Variants in CAST observed in about 807,000 individuals in gnomAD.
CAST encodes the protein MIR583 host.
In CAST, 76 loss-of-function variants were observed where a neutral mutation model predicts 119.6. The observed-to-expected ratio is 0.64, with a 90% CI of 0.53 to 0.77. The LOEUF (loss-of-function observed/expected upper bound fraction) is 0.77, where lower values mean the gene tolerates loss of function less well. CAST is among the 30% of genes least tolerant of loss of function. The probability of loss-of-function intolerance (pLI) is 0.00; values close to 1 mark genes in which losing one functional copy is unlikely to be tolerated. For synonymous variants in CAST, 319 were observed against 331.6 expected (o/e 0.96, Z 0.41); for missense variants, 953 against 946.5 (o/e 1.01, Z -0.09).
intron 1 of CAST, among the ~76,000 whole-genome samples, chr5:96,635,950 G>A (rs941925013): frequency 2.0e-5 from 3 of 151,978 alleles, no homozygotes; most frequent in African/African-American, 7.3e-5. Flanking sequence ...GTTTAATCTT[G>A]GAAATGTCAA....
At chr5:96,695,802 TC>T in intron 2 of CAST, 33 bp from the exon 3 acceptor site, 1 of 1,446,908 alleles carries the variant, frequency 6.9e-7, no homozygotes, top group African/African-American at 1.4e-5. Context: ...TAAGGTGTTT[TC>T]CCCCATTGAA....
chr5:96,383,908 G>T, the CAST span, among the ~76,000 whole-genome samples: 1 of 152,182 alleles, frequency 6.6e-6, no homozygotes, highest in Non-Finnish European at 1.5e-5. Context: ...GAGTAAGTGG[G>T]CAGGCTTGAG....
chr5:96,601,639 C>T (rs562865707), intron 1 of CAST, among the ~76,000 whole-genome samples: 1 of 152,168 alleles, frequency 6.6e-6, no homozygotes, highest in Admixed American at 6.5e-5. Context: ...CTGGTGATAC[C>T]CTGGAGCTGA....
the CAST span, among the ~76,000 whole-genome samples, chr5:96,433,608 G>A: frequency 6.6e-6 from 1 of 152,068 alleles, no homozygotes; most frequent in African/African-American, 2.4e-5. Flanking sequence ...TGGCGGGGAG[G>A]GGGGGAGGCT....
rs1228267717 is a variant in CAST at position 96,555,601 on chromosome 5, C to T, written c.60+25721C>T. Among the ~76,000 whole-genome samples, 8 of 152,324 alleles carry T rather than the reference C, an allele frequency of 5.3e-5. No individual in the cohort carries two copies. The East Asian group carries it at 1.5e-3, about 29-fold the overall frequency. ...ATATCCCGCACCTGGCTTGAAGGGTCCTACGCCCATGGAGCCTAGCTCATT... is the reference window on the plus strand; with the variant it reads ...ATATCCCGCACCTGGCTTGAAGGGTTCTACGCCCATGGAGCCTAGCTCATT... On this transcript the variant is annotated intron_variant, in intron 1 of 11. Transcript: ENST00000505143.
At position 96,737,882 on chromosome 5, in the gene CAST, G is replaced by C. The variant is rs772858429; in HGVS notation, c.733G>C (p.Asp245His). 1.2e-6 allele frequency: 2 copies of C among 1,606,494 alleles called. No individual in the cohort carries two copies. Among genetic ancestry groups the C allele is most frequent in the South Asian group, 2.2e-5 (2 of 90,868 alleles). Residue 245 changes from aspartate to histidine, a missense_variant, in exon 11 of 32, where the codon GAT becomes CAT. Asp to His is a moderately conservative substitution (Grantham distance 81, BLOSUM62 -1). Transcript: ENST00000675179. ...GMDAALDDLI[D>H]TLGGPEETEE... ...GGATGCTGCTTTGGATGACTTAATA[G>C]ATACTTTAGGAGGACCTGAAGAAAC...
At chr5:96,163,103 G>C in the CAST span, among the ~76,000 whole-genome samples, 1 of 151,988 alleles carries the variant, frequency 6.6e-6, no homozygotes, top group Non-Finnish European at 1.5e-5. Flanking sequence ...TCTGCTTCTT[G>C]AGCCAGTTTT....
chr5:96,000,566 A>G, the CAST span, among the ~76,000 whole-genome samples: 1 of 152,188 alleles, frequency 6.6e-6, no homozygotes, highest in African/African-American at 2.4e-5. Flanking sequence ...TCCAGCTTCA[A>G]GTATAGTCAA....
the CAST span, among the ~76,000 whole-genome samples, chr5:96,146,652 T>C: frequency 6.6e-6 from 1 of 152,232 alleles, no homozygotes; most frequent in Non-Finnish European, 1.5e-5. Context: ...TAAATTTAAG[T>C]TCTAGGCCAC....
the CAST span, among the ~76,000 whole-genome samples, chr5:96,481,318 G>T: frequency 2.6e-5 from 4 of 152,090 alleles, no homozygotes; most frequent in Admixed American, 6.6e-5. Flanking sequence ...TGAGATAAGA[G>T]CCTTCTTTTA....
At chr5:95,971,177 C>G in the CAST span, among the ~76,000 whole-genome samples, 1 of 152,154 alleles carries the variant, frequency 6.6e-6, no homozygotes, top group Admixed American at 6.5e-5. Context: ...TAGATTCTGA[C>G]TTGGTATATT....
intron 1 of CAST, among the ~76,000 whole-genome samples, chr5:96,575,816 A>C (rs976612147): frequency 6.6e-6 from 1 of 151,850 alleles, no homozygotes; most frequent in African/African-American, 2.4e-5. Flanking sequence ...CTAATTTTTT[A>C]ATCATTTGTA....
the CAST span, among the ~76,000 whole-genome samples, chr5:96,246,108 A>G: frequency 6.6e-6 from 1 of 151,950 alleles, no homozygotes; most frequent in Non-Finnish European, 1.5e-5. Flanking sequence ...GAGATTTAAA[A>G]AACACAGACT....
At chr5:96,434,896 A>G in the CAST span, among the ~76,000 whole-genome samples, 1 of 152,222 alleles carries the variant, frequency 6.6e-6, no homozygotes, top group African/African-American at 2.4e-5. Context: ...CAATGTTAAT[A>G]AGCCATGTGA....
chr5:96,535,051 T>G (rs1046926896), intron 1 of CAST, among the ~76,000 whole-genome samples: 1 of 152,182 alleles, frequency 6.6e-6, no homozygotes, highest in Admixed American at 6.5e-5. Flanking sequence ...GACTTTCAGT[T>G]TTTAGAATCA....
the CAST span, among the ~76,000 whole-genome samples, chr5:96,008,338 CA>C: frequency 1.3e-5 from 2 of 152,178 alleles, no homozygotes; most frequent in Non-Finnish European, 2.9e-5. Context: ...AAACCAAATC[CA>C]AAAATATATG....
At chr5:96,326,694 CATTT>C in the CAST span, among the ~76,000 whole-genome samples, 3 of 74,166 alleles carry the variant, frequency 4.0e-5, no homozygotes, top group African/African-American at 1.5e-4. Flanking sequence ...TATGGCTTTT[CATTT>C]TTTTTTTTTT....
the CAST span, among the ~76,000 whole-genome samples, chr5:96,057,749 C>T: frequency 2.0e-5 from 3 of 152,132 alleles, no homozygotes; most frequent in African/African-American, 7.2e-5. Context: ...AAATACTAAA[C>T]TTGGAAAGAA....
At chr5:96,386,993 A>C in the CAST span, among the ~76,000 whole-genome samples, 1 of 152,164 alleles carries the variant, frequency 6.6e-6, no homozygotes, top group Non-Finnish European at 1.5e-5. Context: ...AAAACAAAAC[A>C]AAACAAAAAC....
Sources: allele counts gnomAD v4.1 joint callset (sites outside exome capture counted in the v4.1 genomes callset), GRCh38; gene constraint gnomAD v4.1.1; transcripts MANE v1.5; gene names NCBI Gene and HGNC (gene_info 2026-07-23, HGNC 2026-07-21).